Variants in LRRN3 observed in about 807,000 individuals in gnomAD.
LRRN3 encodes leucine rich repeat neuronal 3.
LRRN3 carries 15 observed loss-of-function variants against 40.1 expected under a neutral mutation model. The observed-to-expected ratio is 0.37, with a 90% confidence interval of 0.25 to 0.58. The LOEUF (loss-of-function observed/expected upper bound fraction) is 0.58. Among genes scored for constraint, LRRN3 ranks in the 20% least tolerant of loss-of-function variants. LRRN3 has a pLI of 0.72. For missense variants in LRRN3, 746 were observed against 837.7 expected, an observed-to-expected ratio of 0.89 and a Z score of 1.35; for synonymous variants, 308 against 297.2, an observed-to-expected ratio of 1.04 and a Z score of -0.37.
Position 111,122,655 on chromosome 7 carries a change from G to A in LRRN3, c.-118G>A. The A allele has an allele frequency of 1.3e-6, 1 of 783,866 alleles. No homozygotes were observed. The highest frequency in any genetic ancestry group is 2.7e-5 in the Admixed American group (1 of 37,626). 48.6% of individuals were successfully genotyped at this position (783,866 alleles called of 1,614,324 possible). ...GTGAAGAAAAACTTTGTGGTTCTAT[G>A]GCATTCATCATTTGACAAATGCAAG... On this transcript the variant is annotated 5_prime_UTR_variant, in exon 3 of 3. An upstream start codon of the reference 5' UTR is lost. Transcript: ENST00000308478.
chr7:111,108,709 TTC>T (rs1452253552), intron 2 of LRRN3, among the ~76,000 whole-genome samples: 3 of 152,194 alleles, frequency 2.0e-5, no homozygotes, highest in African/African-American at 7.2e-5. Flanking sequence ...ACATATTTAT[TTC>T]TGTTTGCCAA....
intron 2 of LRRN3, among the ~76,000 whole-genome samples, chr7:111,116,132 T>C (rs1368501596): frequency 3.3e-5 from 5 of 152,238 alleles, no homozygotes; most frequent in Admixed American, 6.5e-5. Context: ...AAGTTACTAC[T>C]GGTTTCTCTG....
At chr7:111,117,728 A>G (rs2129586297) in intron 2 of LRRN3, among the ~76,000 whole-genome samples, 1 of 152,216 alleles carries the variant, frequency 6.6e-6, no homozygotes, top group African/African-American at 2.4e-5. Flanking sequence ...TAGTGGGAGA[A>G]TAGAATTTAA....
chr7:111,118,066 G>C (rs572780487), intron 2 of LRRN3, among the ~76,000 whole-genome samples: 1 of 152,144 alleles, frequency 6.6e-6, no homozygotes, highest in East Asian at 1.9e-4. Context: ...TGCTCCTTTT[G>C]GAGGAACAGA....
rs1304961663 is a variant in LRRN3, at chr7:111,097,758, A to G, written c.-440-2123A>G. On this transcript the variant is annotated intron_variant, in intron 1 of 2. Coordinates refer to ENST00000308478, the MANE Select transcript of LRRN3 (RefSeq NM_001099658.2). The stretch of plus-strand genomic sequence containing the variant: ...TATCAAAACTCAGTCACTCAGAAAT[A>G]CCAAACACTGAACATGTTCTACAAA... Among the ~76,000 whole-genome samples, 3 of 152,014 alleles carry G rather than the reference A, an allele frequency of 2.0e-5. No individual in the cohort carries two copies. The East Asian group carries it at 5.8e-4, about 29-fold the overall frequency.
At position 111,124,481 on chromosome 7, in the gene LRRN3, G is replaced by T; in HGVS notation, c.1709G>T (p.Arg570Leu). 6.2e-7 allele frequency: 1 copy of T among 1,613,842 alleles called. No individual in the cohort carries two copies. Among genetic ancestry groups the T allele is most frequent in the Non-Finnish European group, 8.5e-7 (1 of 1,179,950 alleles). ...TENSHAAQSARIPSDVKVYNL... is the reference protein window; with the variant it reads ...TENSHAAQSALIPSDVKVYNL... The stretch of plus-strand genomic sequence containing the variant: ...AATTCTCATGCTGCGCAAAGTGCTC[G>T]AATACCATCTGATGTCAAGGTATAT... Residue 570 changes from arginine to leucine, a missense_variant, in exon 3 of 3, where the codon CGA (arginine) becomes CTA (leucine). Transcript: ENST00000308478.
At chr7:111,121,291 T>C (rs1407375627) in intron 2 of LRRN3, among the ~76,000 whole-genome samples, 3 of 152,204 alleles carry the variant, frequency 2.0e-5, no homozygotes, top group African/African-American at 4.8e-5. Context: ...AAAAATTTTC[T>C]CCCATTCTGT....
intron 2 of LRRN3, among the ~76,000 whole-genome samples, chr7:111,119,330 A>G (rs1449067311): frequency 6.6e-6 from 1 of 152,182 alleles, no homozygotes; most frequent in Non-Finnish European, 1.5e-5. Context: ...CGGAATTGTA[A>G]CCATCTGTTT....
Position 111,122,823 on chromosome 7 carries a change from T to A in LRRN3, c.51T>A (p.Thr17=), listed in dbSNP as rs1178812888. ...ATGTGCTACTTGGCCTAGCTATCACTACACTAGTACAAGCTGTAGATAAAA... is the reference window on the plus strand; with the variant it reads ...ATGTGCTACTTGGCCTAGCTATCACAACACTAGTACAAGCTGTAGATAAAA... ...RIHVLLGLAI[T]TLVQAVDKKV... is the part of the protein sequence containing the mutation. Residue 17 remains threonine, a synonymous_variant, in exon 3 of 3, where the codon ACT becomes ACA. Coordinates refer to ENST00000308478, the MANE Select transcript of LRRN3 (RefSeq NM_001099658.2). The A allele has an allele frequency of 6.2e-7, 1 of 1,613,910 alleles. No individual in the cohort carries two copies. The highest frequency in any genetic ancestry group is 8.5e-7 in the Non-Finnish European group (1 of 1,179,872).
intron 2 of LRRN3, among the ~76,000 whole-genome samples, chr7:111,110,922 T>G (rs914143520): frequency 6.6e-6 from 1 of 152,212 alleles, no homozygotes; most frequent in African/African-American, 2.4e-5. Context: ...GATCCAATAA[T>G]CTAACACTAT....
intron 2 of LRRN3, among the ~76,000 whole-genome samples, chr7:111,119,078 A>T (rs1756561815): frequency 6.6e-6 from 1 of 152,156 alleles, no homozygotes; most frequent in African/African-American, 2.4e-5. Context: ...ATATTTCCAA[A>T]CCTCTAGTTA....
At chr7:111,108,452 C>A (rs762126205) in intron 2 of LRRN3, among the ~76,000 whole-genome samples, 3 of 152,034 alleles carry the variant, frequency 2.0e-5, no homozygotes, top group African/African-American at 7.2e-5. Flanking sequence ...ACCCCCACTA[C>A]ACTGTGCTAT....
chr7:111,113,750 A>G (rs1799517096), intron 2 of LRRN3, among the ~76,000 whole-genome samples: 4 of 152,154 alleles, frequency 2.6e-5, no homozygotes. Context: ...GCAAGGCACA[A>G]TGTAAGTCTG....
At chr7:111,091,779 G>A (rs1796889489) in intron 1 of LRRN3, among the ~76,000 whole-genome samples, 1 of 151,710 alleles carries the variant, frequency 6.6e-6, no homozygotes, top group South Asian at 2.1e-4. Context: ...AGTGTTGGGG[G>A]GAGGAGAAAA....
At chr7:111,108,148 A>G (rs1463631997) in intron 2 of LRRN3, among the ~76,000 whole-genome samples, 1 of 148,522 alleles carries the variant, frequency 6.7e-6, no homozygotes, top group African/African-American at 2.6e-5. Context: ...GGAGACAAAA[A>G]CCTCACAGAT....
rs200594119 is a variant in LRRN3, at chr7:111,122,915, T to C, written c.143T>C (p.Met48Thr). 6.2e-7 allele frequency: 1 copy of C among 1,614,110 alleles called. No homozygotes were observed. Among genetic ancestry groups the C allele is most frequent in the African/African-American group, 1.3e-5 (1 of 75,060 alleles). ...RPWFTPRSIY[M>T]EASTVDCNDL... ...TGGTTTACACCCAGATCCATTTATA[T>C]GGAAGCATCTACAGTGGATTGTAAT... The change falls in exon 3 of 3, where the codon ATG becomes ACG. Residue 48 changes from methionine (M) to threonine (T), a missense_variant. Coordinates refer to ENST00000308478, the MANE Select transcript of LRRN3 (RefSeq NM_001099658.2).
intron 2 of LRRN3, among the ~76,000 whole-genome samples, chr7:111,118,983 AAT>A (rs1297069403): frequency 3.9e-5 from 6 of 152,172 alleles, no homozygotes; most frequent in Admixed American, 3.9e-4. Context: ...ATTAAACACA[AAT>A]ATAAATTTTA....
Position 111,091,154 on chromosome 7 carries a change from G to C in LRRN3, c.-791G>C, listed in dbSNP as rs774610386. On this transcript the variant is annotated 5_prime_UTR_variant, in exon 1 of 3. Coordinates refer to ENST00000308478, the MANE Select transcript of LRRN3 (RefSeq NM_001099658.2). ...CAGTGTGACAACTGATCGGGTGAAC[G>C]ATGCACCACTAACCACCATGGAAAC... 2.6e-5 allele frequency: 4 copies of C among 152,132 alleles called. No individual in the cohort carries two copies. Among genetic ancestry groups the C allele is most frequent in the Middle Eastern group, 3.2e-3 (1 of 316 alleles). The allele number at this position is 152,132 out of a possible 1,614,324, so 9.4% of individuals were successfully genotyped here.
chr7:111,110,603 TA>T (rs1399400025), intron 2 of LRRN3, among the ~76,000 whole-genome samples: 6 of 152,172 alleles, frequency 3.9e-5, no homozygotes, highest in Admixed American at 6.5e-5. Flanking sequence ...GAAGAATATA[TA>T]TAAAAACATA....
Sources: gnomAD v4.1 joint callset for allele counts (sites outside exome capture counted in the v4.1 genomes callset) on GRCh38, gnomAD v4.1.1 for gene constraint, MANE v1.5 for transcripts, NCBI Gene and HGNC (gene_info 2026-07-23, HGNC 2026-07-21) for gene names.